SV2C: variants seen among roughly 807,000 people sequenced by gnomAD.
SV2C encodes solute carrier family 22 member B3.
SV2C carries 49 observed loss-of-function variants against 79.7 expected under a neutral mutation model. That is an observed-to-expected ratio of 0.61 (90% CI 0.49 to 0.78). The LOEUF (loss-of-function observed/expected upper bound fraction) is 0.78, where lower values mean the gene tolerates loss of function less well. Ranked by LOEUF, SV2C falls within the 30% of genes least tolerant of loss-of-function variation. The pLI is 0.00. For synonymous variants in SV2C, 334 were observed against 333.2 expected (o/e 1.00, Z -0.03); for missense variants, 833 against 912.9 (o/e 0.91, Z 1.13).
chr5:76,113,154 C>A (rs550167719), intron 1 of SV2C, among the ~76,000 whole-genome samples: 56 of 152,366 alleles, frequency 3.7e-4, no homozygotes, highest in African/African-American at 1.3e-3. Flanking sequence ...TTTTAATAAG[C>A]AAGCCCTTAA....
At chr5:76,121,885 G>GT (rs952922638) in intron 1 of SV2C, among the ~76,000 whole-genome samples, 2 of 151,522 alleles carry the variant, frequency 1.3e-5, no homozygotes, top group East Asian at 1.9e-4. Context: ...CTTTAAAGTA[G>GT]TTTTTTTCCA....
In SV2C at chr5:76,087,591, T is replaced by C. The variant is rs59554385; in HGVS notation, c.-102+4079T>C. Among the ~76,000 whole-genome samples, 1,228 of 152,366 alleles carry C rather than the reference T, an allele frequency of 8.1e-3. 15 individuals carry two copies. The highest frequency in any genetic ancestry group is 0.028 in the African/African-American group (1,168 of 41,582). ...AAGTGGGAATTTCTGAGCCCCATTC[T>C]AGACATTCTAAATTAATGGTTCCAT... On this transcript the variant is annotated intron_variant, in intron 1 of 12. Coordinates refer to ENST00000502798, the MANE Select transcript of SV2C (RefSeq NM_014979.4).
At chr5:76,140,385 A>G (rs1749211139) in intron 2 of SV2C, among the ~76,000 whole-genome samples, 1 of 152,122 alleles carries the variant, frequency 6.6e-6, no homozygotes. Flanking sequence ...GAAGAGCTGG[A>G]TAGATATGAC....
the SV2C span, among the ~76,000 whole-genome samples, chr5:75,903,290 C>G: frequency 6.6e-6 from 1 of 151,614 alleles, no homozygotes; most frequent in Non-Finnish European, 1.5e-5. Context: ...TCTGGATGAC[C>G]TGATTTGTCC....
the SV2C span, among the ~76,000 whole-genome samples, chr5:76,034,539 G>T: frequency 1.3e-5 from 2 of 152,140 alleles, no homozygotes; most frequent in African/African-American, 4.8e-5. Context: ...CTGTTTATAT[G>T]CTGGATTACA....
intron 1 of SV2C, among the ~76,000 whole-genome samples, chr5:76,097,099 T>C (rs1199866459): frequency 3.3e-5 from 5 of 152,138 alleles, no homozygotes; most frequent in Admixed American, 6.6e-5. Flanking sequence ...CCACATTCCA[T>C]TGACCAAAGA....
At chr5:75,965,779 C>G in the SV2C span, among the ~76,000 whole-genome samples, 1 of 151,520 alleles carries the variant, frequency 6.6e-6, no homozygotes, top group African/African-American at 2.4e-5. Context: ...GCTAGGGATA[C>G]AGGAAGATGT....
the SV2C span, among the ~76,000 whole-genome samples, chr5:76,027,042 G>A: frequency 1.3e-4 from 19 of 146,270 alleles, no homozygotes; most frequent in South Asian, 4.0e-3. Flanking sequence ...TTGAAAAAAA[G>A]TATTATTTTC....
At chr5:76,225,849 T>C (rs150304326) in intron 4 of SV2C, among the ~76,000 whole-genome samples, 1 of 152,196 alleles carries the variant, frequency 6.6e-6, no homozygotes, top group Non-Finnish European at 1.5e-5. Flanking sequence ...TTTAAATTAC[T>C]TGATGAGAGT....
rs545724122 is a variant in SV2C at position 76,109,455 on chromosome 5, A to G, written c.-101-22195A>G. 1.4e-4 allele frequency among the ~76,000 whole-genome samples: 22 copies of G among 152,340 alleles called. No homozygotes were observed. The South Asian group carries it at 4.6e-3, about 32-fold the overall frequency. The stretch of plus-strand genomic sequence containing the variant: ...GTATAATCAAATGTGGGTTCATTTC[A>G]TATACAGTCAGTTCTTTAGTAGGAT... On this transcript the variant is annotated intron_variant, in intron 1 of 12. Coordinates refer to ENST00000502798, the MANE Select transcript of SV2C (RefSeq NM_014979.4).
the SV2C span, among the ~76,000 whole-genome samples, chr5:75,895,597 A>G: frequency 6.6e-6 from 1 of 152,090 alleles, no homozygotes; most frequent in Non-Finnish European, 1.5e-5. Flanking sequence ...AGACTTTGTA[A>G]CAGATGGGAA....
the SV2C span, among the ~76,000 whole-genome samples, chr5:75,934,272 C>T: frequency 6.9e-6 from 1 of 143,916 alleles, no homozygotes; most frequent in South Asian, 2.2e-4. Context: ...TTGTAGTAAA[C>T]AGAGTTGTTG....
chr5:76,117,206 T>C (rs1429839774), intron 1 of SV2C, among the ~76,000 whole-genome samples: 1 of 152,218 alleles, frequency 6.6e-6, no homozygotes, highest in Non-Finnish European at 1.5e-5. Context: ...TTGTGGCCAA[T>C]TATATATCAT....
chr5:76,232,947 T>C (rs1394798393), intron 4 of SV2C, among the ~76,000 whole-genome samples: 3 of 142,094 alleles, frequency 2.1e-5, no homozygotes, highest in East Asian at 3.9e-4. Flanking sequence ...CATATGAACT[T>C]TCAAGTAGTT....
chr5:75,887,803 A>G, the SV2C span, among the ~76,000 whole-genome samples: 1 of 152,150 alleles, frequency 6.6e-6, no homozygotes, highest in Non-Finnish European at 1.5e-5. Context: ...AAAAACAAGA[A>G]TAAGCTATCT....
At chr5:76,074,733 C>T in the SV2C span, among the ~76,000 whole-genome samples, 1 of 152,216 alleles carries the variant, frequency 6.6e-6, no homozygotes, top group African/African-American at 2.4e-5. Flanking sequence ...TTTCTCTGAC[C>T]CTGCCTGGGG....
At chr5:76,015,390 A>G in the SV2C span, among the ~76,000 whole-genome samples, 1 of 152,154 alleles carries the variant, frequency 6.6e-6, no homozygotes, top group Non-Finnish European at 1.5e-5. Flanking sequence ...AGCCTGTCTG[A>G]TAGATGCACT....
chr5:76,321,546 C>T (rs1404374965), intron 12 of SV2C, among the ~76,000 whole-genome samples: 1 of 151,942 alleles, frequency 6.6e-6, no homozygotes, highest in Non-Finnish European at 1.5e-5. Context: ...TTGAGACCAT[C>T]CTGGGCAATA....
the SV2C span, chr5:75,911,261 C>T: frequency 4.0e-6 from 6 of 1,486,134 alleles, no homozygotes; most frequent in Non-Finnish European, 5.6e-6. Flanking sequence ...GAAGTTCTCC[C>T]TAGCTCCCCA....
Sources: gnomAD v4.1 joint callset for allele counts (sites outside exome capture counted in the v4.1 genomes callset) on GRCh38, gnomAD v4.1.1 for gene constraint, MANE v1.5 for transcripts, NCBI Gene and HGNC (gene_info 2026-07-23, HGNC 2026-07-21) for gene names.